Variants in NOX4 observed in about 807,000 individuals in gnomAD.
NOX4 encodes NADPH oxidase 4.
A neutral mutation model predicts 87.6 loss-of-function variants in NOX4; 69 were observed. The ratio of observed to expected loss-of-function variants is 0.79; its 90% CI spans 0.65 to 0.96. The LOEUF is 0.96. NOX4 is among the 40% of genes least tolerant of loss of function. The probability of loss-of-function intolerance (pLI) is 0.00; values close to 1 mark genes in which losing one functional copy is unlikely to be tolerated. For synonymous variants in NOX4, 275 were observed against 238.2 expected, an observed-to-expected ratio of 1.15 and a Z score of -1.42; for missense variants, 680 against 681.5, an observed-to-expected ratio of 1.00 and a Z score of 0.02.
In NOX4 at chr11:89,478,199, CT is replaced by C. The variant is rs1207113375; in HGVS notation, c.153+12258del. On this transcript the variant is annotated intron_variant, in intron 2 of 17. Transcript: ENST00000263317. ...TCCTCTCTTTCCCTGCCCCTGTCCC[CT>C]GACAAAAAAAAATCTTATAAGCGAT... 6.7e-5 allele frequency among the ~76,000 whole-genome samples: 10 copies of C among 148,418 alleles called. No homozygotes were observed. The South Asian group carries it at 8.9e-4, about 13-fold the overall frequency.
chr11:89,533,730 G>A, the NOX4 span: 6 of 152,194 alleles, frequency 3.9e-5, no homozygotes, highest in African/African-American at 1.2e-4. Context: ...CCCAGGCTAC[G>A]GCTATCTGCA....
At chr11:89,486,293 T>A (rs115284996) in intron 2 of NOX4, among the ~76,000 whole-genome samples, 8,099 of 147,720 alleles carry the variant, frequency 0.055, 631 homozygotes, top group African/African-American at 0.18. Flanking sequence ...ATAAATAAAT[T>A]TATTTATTTA....
intron 8 of NOX4, among the ~76,000 whole-genome samples, chr11:89,403,901 C>T (rs1204354412): frequency 6.6e-6 from 1 of 152,084 alleles, no homozygotes; most frequent in African/African-American, 2.4e-5. Flanking sequence ...GATCACTTTC[C>T]TTTCTTCCCT....
At position 89,451,881 on chromosome 11, in the gene NOX4, T is replaced by A; in HGVS notation, c.168A>T (p.Leu56=). ...LHQMLGLGLC[L]SRASASVLNL... ...TAAGAACAGATGCTGAGGCTCTGCT[T>A]AGACACAATCCTAGCTGAACAAATA... Residue 56 remains leucine, a synonymous_variant, in exon 3 of 18, where the codon CTA becomes CTT. Transcript: ENST00000263317. 6.2e-7 allele frequency: 1 copy of A among 1,612,228 alleles called. No individual in the cohort carries two copies. Among genetic ancestry groups the A allele is most frequent in the Non-Finnish European group, 8.5e-7 (1 of 1,178,490 alleles).
Position 89,424,397 on chromosome 11 carries a change from ATATC to A in NOX4, c.549-2419_549-2416del, listed in dbSNP as rs1162656595. Among the ~76,000 whole-genome samples, 5 of 150,820 alleles carry A rather than the reference ATATC, an allele frequency of 3.3e-5. No homozygotes were observed. In the East Asian group the frequency reaches 9.8e-4, roughly 30 times the overall value. ...ACCATTATTTCCAGAAAAAGTAGAT[ATATC>A]TACTTTTTCTGGAAATAATGGTATT... On this transcript the variant is annotated intron_variant, in intron 7 of 17. Transcript: ENST00000263317.
Position 89,472,464 on chromosome 11 carries a change from A to G in NOX4, c.153+17994T>C, listed in dbSNP as rs191964268. 1.2e-4 allele frequency among the ~76,000 whole-genome samples: 18 copies of G among 152,278 alleles called. No individual in the cohort carries two copies. The East Asian group carries it at 2.5e-3, about 21-fold the overall frequency. ...AAACTAAAGGGGCTACCAAAAATAT[A>G]CAGTTCATAATGACTTTATATTCAG... On this transcript the variant is annotated intron_variant, in intron 2 of 17. Coordinates refer to ENST00000263317, the MANE Select transcript of NOX4 (RefSeq NM_016931.5).
At chr11:89,564,102 C>A in the NOX4 span, among the ~76,000 whole-genome samples, 1 of 152,100 alleles carries the variant, frequency 6.6e-6, no homozygotes, top group Non-Finnish European at 1.5e-5. Flanking sequence ...TATAAAAGAT[C>A]TACTAATAAT....
intron 11 of NOX4, among the ~76,000 whole-genome samples, chr11:89,395,072 C>T (rs186701455): frequency 6.0e-4 from 92 of 152,230 alleles, no homozygotes; most frequent in African/African-American, 2.0e-3. Flanking sequence ...TCTGAGGAAT[C>T]GCCACACTGT....
At chr11:89,396,547 T>A (rs1201308121) in intron 11 of NOX4, among the ~76,000 whole-genome samples, 4 of 152,032 alleles carry the variant, frequency 2.6e-5, no homozygotes, top group Admixed American at 2.6e-4. Flanking sequence ...AGTCAAGACC[T>A]ATCTGTGTGC....
In NOX4 at chr11:89,430,705, G is replaced by A. The variant is rs550525883; in HGVS notation, c.548+2079C>T. ...TACCACTGCTCAACGAAATAAAAGA[G>A]GACACAAACAAATGGAAGAACATTC... On this transcript the variant is annotated intron_variant, in intron 7 of 17. Coordinates refer to ENST00000263317, the MANE Select transcript of NOX4 (RefSeq NM_016931.5). Among the ~76,000 whole-genome samples the A allele has an allele frequency of 3.9e-5, 6 of 152,158 alleles. No homozygotes were observed. The East Asian group carries it at 7.7e-4, about 20-fold the overall frequency.
At chr11:89,560,990 CTCTCTCTA>C in the NOX4 span, among the ~76,000 whole-genome samples, 126 of 73,472 alleles carry the variant, frequency 1.7e-3, 1 homozygote, top group African/African-American at 8.5e-3. Flanking sequence ...CTCTCTCTCT[CTCTCTCTA>C]TATATATATA....
At chr11:89,373,580 TC>T in intron 11 of NOX4, 88 bp from the exon 12 acceptor site, 1 of 819,898 alleles carries the variant, frequency 1.2e-6, no homozygotes, top group Non-Finnish European at 2.1e-6. Context: ...TGATAGCAAG[TC>T]CCCCATATCA....
chr11:89,549,727 C>T, the NOX4 span, among the ~76,000 whole-genome samples: 2 of 152,156 alleles, frequency 1.3e-5, no homozygotes, highest in African/African-American at 4.8e-5. Context: ...ACTTATGAGT[C>T]AGAACATGCA....
At chr11:89,496,980 A>G (rs980732809), upstream of NOX4, among the ~76,000 whole-genome samples, 1 of 152,206 alleles carries the variant, frequency 6.6e-6, no homozygotes, top group Non-Finnish European at 1.5e-5. Context: ...GATATTAAGT[A>G]GTAGATTTCC....
At chr11:89,339,207 G>C (rs1051093571) in intron 15 of NOX4, among the ~76,000 whole-genome samples, 1 of 152,120 alleles carries the variant, frequency 6.6e-6, no homozygotes, top group Non-Finnish European at 1.5e-5. Context: ...CAGTAAACTA[G>C]ATAAATCTAT....
chr11:89,372,956 A>C lies in NOX4; in HGVS notation c.1135+476T>G, dbSNP rs568549851. ...ATTTACTGAAGACAAGTAAAGTATC[A>C]CCAACAGGCCTGCTGTGAAAAATAT... On this transcript the variant is annotated intron_variant, in intron 12 of 17. Transcript: ENST00000263317. 9.2e-5 allele frequency among the ~76,000 whole-genome samples: 14 copies of C among 152,080 alleles called. No individual in the cohort carries two copies. In the South Asian group the frequency reaches 1.0e-3, roughly 11 times the overall value.
chr11:89,435,098 T>G (rs1016881415), intron 6 of NOX4, among the ~76,000 whole-genome samples: 1 of 152,202 alleles, frequency 6.6e-6, no homozygotes, highest in African/African-American at 2.4e-5. Context: ...CCAATCAAAT[T>G]GTATACATGT....
chr11:89,541,649 C>T, the NOX4 span, among the ~76,000 whole-genome samples: 7 of 151,920 alleles, frequency 4.6e-5, no homozygotes, highest in Admixed American at 4.6e-4. Context: ...CAGAAATGAA[C>T]ATTTAATATC....
chr11:89,341,863 G>T (rs1946017741), intron 14 of NOX4, among the ~76,000 whole-genome samples: 1 of 152,276 alleles, frequency 6.6e-6, no homozygotes, highest in South Asian at 2.1e-4. Context: ...GCATAACTGT[G>T]ATATGACATC....
Sources: allele counts gnomAD v4.1 joint callset (sites outside exome capture counted in the v4.1 genomes callset), GRCh38; gene constraint gnomAD v4.1.1; transcripts MANE v1.5; gene names NCBI Gene and HGNC (gene_info 2026-07-23, HGNC 2026-07-21).